MSN: variants seen among roughly 807,000 people sequenced by gnomAD.
The protein encoded by MSN is epididymis luminal protein 70.
Under a neutral mutation model 48.0 loss-of-function variants are expected in MSN, and 2 were observed. That is an observed-to-expected ratio of 0.04 (90% CI 0.02 to 0.13). MSN has a LOEUF of 0.13. Ranked by LOEUF, MSN falls within the 10% of genes least tolerant of loss-of-function variation. The pLI, the probability that MSN is intolerant of heterozygous loss-of-function variation, is 1.00. For missense variants in MSN, 267 were observed against 470.1 expected (o/e 0.57, Z 3.99); for synonymous variants, 146 against 166.9 (o/e 0.87, Z 0.97).
Position 65,703,803 on chromosome X carries a change from C to T in MSN, c.13-13015C>T, listed in dbSNP as rs758247107. On this transcript the variant is annotated intron_variant, in intron 1 of 12. Coordinates refer to ENST00000360270, the MANE Select transcript of MSN (RefSeq NM_002444.3). ...TTGCCCAGGCTGGTCTTTAACTGGG[C>T]TCAAGCGGTCTGCTTGCCTCACCCT... 2.3e-3 allele frequency among the ~76,000 whole-genome samples: 254 copies of T among 111,445 alleles called. 1 individual carries two copies. The highest frequency in any genetic ancestry group is 7.8e-3 in the African/African-American group (236 of 30,314).
At chrX:65,708,073 C>T (rs2071379195) in intron 1 of MSN, among the ~76,000 whole-genome samples, 1 of 110,078 alleles carries the variant, frequency 9.1e-6, no homozygotes, top group South Asian at 3.9e-4. Flanking sequence ...TGATCTCTAG[C>T]TTCTGGCTTC....
chrX:65,626,430 G>A (rs1047347661), intron 1 of MSN, among the ~76,000 whole-genome samples: 1 of 111,163 alleles, frequency 9.0e-6, no homozygotes, highest in South Asian at 3.7e-4. Flanking sequence ...CTTTCTTCAG[G>A]GTTTGCTGTT....
chrX:65,651,328 A>AAAAG (rs1556357573), intron 1 of MSN, among the ~76,000 whole-genome samples: 1 of 107,737 alleles, frequency 9.3e-6, no homozygotes, highest in African/African-American at 3.4e-5. Context: ...AAAAAAAAAA[A>AAAAG]AAAGAAAGAA....
chrX:65,682,986 C>G (rs1049405704), intron 1 of MSN, among the ~76,000 whole-genome samples: 4 of 111,773 alleles, frequency 3.6e-5, no homozygotes, highest in Admixed American at 1.9e-4. Context: ...CATTTCTGCT[C>G]CCTTTTCCCA....
At chrX:65,627,544 AC>A (rs2070518125) in intron 1 of MSN, among the ~76,000 whole-genome samples, 1 of 110,725 alleles carries the variant, frequency 9.0e-6, no homozygotes, top group African/African-American at 3.3e-5. Context: ...CATGGGAATG[AC>A]CGGCCCCCAT....
At chrX:65,672,967 T>G (rs1245377735) in intron 1 of MSN, among the ~76,000 whole-genome samples, 1 of 111,522 alleles carries the variant, frequency 9.0e-6, no homozygotes, top group Admixed American at 9.6e-5. Context: ...CCCATTATAC[T>G]CCTTGAGTGC....
At chrX:65,660,817 G>C (rs191082894) in intron 1 of MSN, among the ~76,000 whole-genome samples, 2 of 110,284 alleles carry the variant, frequency 1.8e-5, no homozygotes, top group Admixed American at 1.9e-4. Context: ...CGCCCACCTC[G>C]GCCTCCCAAA....
intron 1 of MSN, among the ~76,000 whole-genome samples, chrX:65,653,782 G>A (rs2070759651): frequency 9.0e-6 from 1 of 110,945 alleles, no homozygotes; most frequent in African/African-American, 3.3e-5. Flanking sequence ...GTGGAAGTAT[G>A]TATTTTTTGA....
intron 1 of MSN, among the ~76,000 whole-genome samples, chrX:65,689,917 GAC>G (rs1359349781): frequency 1.8e-5 from 2 of 111,432 alleles, no homozygotes; most frequent in African/African-American, 6.5e-5. Context: ...TTGAACTCAT[GAC>G]CTTTGGAAAC....
chrX:65,719,148 A>G (rs999314302), intron 2 of MSN, among the ~76,000 whole-genome samples: 16 of 111,986 alleles, frequency 1.4e-4, no homozygotes, highest in African/African-American at 4.9e-4. Context: ...CTCTCTTCAC[A>G]TGGAGGTTAT....
At chrX:65,738,813 G>A (rs2071707271) in intron 11 of MSN, among the ~76,000 whole-genome samples, 157 bp from the exon 12 acceptor site, 1 of 112,107 alleles carries the variant, frequency 8.9e-6, no homozygotes, top group Admixed American at 9.4e-5. Context: ...TGGTACAATT[G>A]CTCTTGTTTT....
chrX:65,699,213 T>C (rs1367806358), intron 1 of MSN, among the ~76,000 whole-genome samples: 1 of 111,845 alleles, frequency 8.9e-6, no homozygotes, highest in African/African-American at 3.3e-5. Context: ...GCCATTACAG[T>C]TGGGAACACT....
intron 1 of MSN, among the ~76,000 whole-genome samples, chrX:65,687,573 G>C (rs931637311): frequency 9.0e-6 from 1 of 111,614 alleles, no homozygotes; most frequent in Admixed American, 9.5e-5. Context: ...GTTGATGTGG[G>C]TAACTGACCT....
At chrX:65,617,510 T>C (rs1232930951) in intron 1 of MSN, among the ~76,000 whole-genome samples, 3 of 107,148 alleles carry the variant, frequency 2.8e-5, no homozygotes, top group African/African-American at 3.8e-5. Context: ...GTTTGTAGTA[T>C]TCCCTGATGG....
intron 1 of MSN, among the ~76,000 whole-genome samples, chrX:65,656,811 G>A (rs1222441484): frequency 1.8e-5 from 2 of 110,681 alleles, no homozygotes; most frequent in African/African-American, 6.6e-5. Flanking sequence ...CAAGCACACG[G>A]TGCTGCTGCG....
intron 1 of MSN, among the ~76,000 whole-genome samples, chrX:65,647,251 A>T (rs1187881146): frequency 1.0e-5 from 1 of 98,941 alleles, no homozygotes; most frequent in Non-Finnish European, 2.0e-5. Flanking sequence ...TTGCACTGTC[A>T]TCCAGGTTGG....
chrX:65,707,286 G>A (rs1490515358), intron 1 of MSN, among the ~76,000 whole-genome samples: 1 of 110,968 alleles, frequency 9.0e-6, no homozygotes, highest in Non-Finnish European at 1.9e-5. Flanking sequence ...GCTTAGTGAA[G>A]TGCTTGGTGT....
At chrX:65,650,052 CTTTTTT>C (rs59222247) in intron 1 of MSN, among the ~76,000 whole-genome samples, 4 of 53,195 alleles carry the variant, frequency 7.5e-5, no homozygotes, top group African/African-American at 3.8e-4. Context: ...CCTTTTTTCT[CTTTTTT>C]TTTTTTTTTT....
chrX:65,689,163 C>A (rs761801240), intron 1 of MSN, among the ~76,000 whole-genome samples: 17 of 111,716 alleles, frequency 1.5e-4, no homozygotes, highest in South Asian at 3.8e-4. Context: ...TGGGCCATAG[C>A]CTGTTCCACA....
Sources: gnomAD v4.1 joint callset for allele counts (sites outside exome capture counted in the v4.1 genomes callset) on GRCh38, gnomAD v4.1.1 for gene constraint, MANE v1.5 for transcripts, NCBI Gene and HGNC (gene_info 2026-07-23, HGNC 2026-07-21) for gene names.